PARPBP: variants seen among roughly 807,000 people sequenced by gnomAD.
PARPBP encodes PARP1 binding protein.
A neutral mutation model predicts 50.0 loss-of-function variants in PARPBP; 52 were observed. The observed-to-expected ratio is 1.04, with a 90% CI of 0.83 to 1.31. The LOEUF is 1.31. Ranked by LOEUF, PARPBP falls within the 50% of genes most tolerant of loss-of-function variation. PARPBP has a pLI of 0.00. For synonymous variants in PARPBP, 244 were observed against 232.1 expected, an observed-to-expected ratio of 1.05 and a Z score of -0.47; for missense variants, 697 against 672.0, an observed-to-expected ratio of 1.04 and a Z score of -0.41.
chr12:102,185,908 C>T (rs952437767), intron 9 of PARPBP, among the ~76,000 whole-genome samples: 2 of 152,190 alleles, frequency 1.3e-5, no homozygotes, highest in East Asian at 3.9e-4. Flanking sequence ...CCTGCCTCGG[C>T]CTCCCAAAGT....
rs764402553 is a variant in PARPBP at position 102,178,628 on chromosome 12, T to C, written c.1042T>C (p.Cys348Arg). The C allele has an allele frequency of 1.2e-6, 2 of 1,612,830 alleles. No homozygotes were observed. Among genetic ancestry groups the C allele is most frequent in the Admixed American group, 3.3e-5 (2 of 59,828 alleles). Residue 348 changes from cysteine to arginine, a missense_variant, in exon 8 of 11, where the codon TGT becomes CGT. Cys to Arg is a radical substitution (Grantham distance 180). Transcript: ENST00000327680. ...SHAINHGTAY[C>R]GRDTVKALLV... Reference sequence around the variant, plus strand: ...TGCCATAAACCATGGTACTGCATACTGTGGCAGAGATACTGTGAAAGCCTT... The same window carrying C: ...TGCCATAAACCATGGTACTGCATACCGTGGCAGAGATACTGTGAAAGCCTT...
At position 102,151,730 on chromosome 12, in the gene PARPBP, T is replaced by C. The variant is rs1368258116; in HGVS notation, c.388-2139T>C. The C allele has an allele frequency of 5.2e-6, 8 of 1,535,646 alleles. No individual in the cohort carries two copies. In the South Asian group the frequency reaches 8.3e-5, roughly 16 times the overall value. On this transcript the variant is annotated intron_variant, in intron 3 of 10. Transcript: ENST00000327680. ...TGGAGCTGGTCCCTAAACTTCAGAT[T>C]GCCTGGGATTCCCATCACGGTCCAG...
At chr12:102,194,525 G>T (rs1187103125) in intron 9 of PARPBP, among the ~76,000 whole-genome samples, 1 of 151,864 alleles carries the variant, frequency 6.6e-6, no homozygotes, top group African/African-American at 2.4e-5. Context: ...ACTGGTTTAT[G>T]TTTGTGGAAC....
chr12:102,147,486 T>C (rs980470505), intron 2 of PARPBP, among the ~76,000 whole-genome samples: 1 of 146,702 alleles, frequency 6.8e-6, no homozygotes, highest in African/African-American at 2.5e-5. Flanking sequence ...AAACACCGCA[T>C]GTTCTCAATC....
At chr12:102,138,846 T>G (rs111400158) in intron 2 of PARPBP, among the ~76,000 whole-genome samples, 1 of 152,324 alleles carries the variant, frequency 6.6e-6, no homozygotes, top group African/African-American at 2.4e-5. Context: ...CATTGATCTA[T>G]ATCTCTGTTT....
intron 2 of PARPBP, among the ~76,000 whole-genome samples, chr12:102,130,811 C>T (rs2137379646): frequency 1.3e-5 from 2 of 151,258 alleles, no homozygotes; most frequent in South Asian, 4.2e-4. Flanking sequence ...GCTGAGATCA[C>T]ACCACTGCAC....
intron 9 of PARPBP, among the ~76,000 whole-genome samples, chr12:102,190,077 A>G (rs1890656511): frequency 6.6e-6 from 1 of 152,062 alleles, no homozygotes; most frequent in Non-Finnish European, 1.5e-5. Context: ...AAGTCTACTT[A>G]CTTTTTAAAA....
intron 6 of PARPBP, among the ~76,000 whole-genome samples, chr12:102,169,275 C>G (rs1207201799): frequency 6.6e-6 from 1 of 152,126 alleles, no homozygotes. Flanking sequence ...TATTTTCCAC[C>G]TACCTCTTCT....
At chr12:102,156,798 C>T (rs1241423669) in intron 4 of PARPBP, among the ~76,000 whole-genome samples, 1 of 152,028 alleles carries the variant, frequency 6.6e-6, no homozygotes. Context: ...TGCACCACCA[C>T]GCCTGGCTAA....
intron 9 of PARPBP, among the ~76,000 whole-genome samples, chr12:102,193,132 G>A (rs1452740408): frequency 6.6e-6 from 1 of 151,750 alleles, no homozygotes; most frequent in African/African-American, 2.4e-5. Flanking sequence ...ATTTGTCTGT[G>A]GGGGAGGCTG....
chr12:102,169,494 C>G (rs1888473772), intron 6 of PARPBP, among the ~76,000 whole-genome samples: 1 of 152,176 alleles, frequency 6.6e-6, no homozygotes, highest in South Asian at 2.1e-4. Context: ...AAACAAGAAT[C>G]TGGGGCATAT....
In PARPBP at chr12:102,197,179, GA is replaced by G; in HGVS notation, c.*889del. 1 of 1,606,080 alleles carries G rather than the reference GA, an allele frequency of 6.2e-7. No individual in the cohort carries two copies. The highest frequency in any genetic ancestry group is 8.5e-7 in the Non-Finnish European group (1 of 1,174,184). On this transcript the variant is annotated 3_prime_UTR_variant, in exon 11 of 11. Coordinates refer to ENST00000327680, the MANE Select transcript of PARPBP (RefSeq NM_017915.5). Reference sequence around the variant, plus strand: ...ATGTTTGGAGCCTGTGTTCTGTAAAGAGAAGGTTGATTTGGTTTTTAGCTAT... The same window carrying G: ...ATGTTTGGAGCCTGTGTTCTGTAAAGGAAGGTTGATTTGGTTTTTAGCTAT...
At chr12:102,131,166 A>G (rs760673525) in intron 2 of PARPBP, among the ~76,000 whole-genome samples, 5 of 152,178 alleles carry the variant, frequency 3.3e-5, no homozygotes, top group Admixed American at 1.3e-4. Context: ...CTCTACTAAA[A>G]TTACAAAAAT....
chr12:102,120,584 C>G (rs1379993194), intron 1 of PARPBP: 3 of 444,626 alleles, frequency 6.7e-6, no homozygotes, highest in African/African-American at 2.0e-5. Context: ...GGGTTCTAGT[C>G]CCACTATGTA....
rs539272424 is a variant in PARPBP, at chr12:102,139,810, G to A, written c.154-8420G>A. ...TTATTGATTTGTGTATGTTGAACCA[G>A]GCTTTCATCCCAGGGATGAAGCCCA... is the stretch of plus-strand genomic sequence containing the variant. On this transcript the variant is annotated intron_variant, in intron 2 of 10. Coordinates refer to ENST00000327680, the MANE Select transcript of PARPBP (RefSeq NM_017915.5). Among the ~76,000 whole-genome samples, 41 of 152,254 alleles carry A rather than the reference G, an allele frequency of 2.7e-4. No individual in the cohort carries two copies. In the South Asian group the frequency reaches 8.5e-3, roughly 32 times the overall value.
chr12:102,155,659 C>G (rs999121226), intron 4 of PARPBP, among the ~76,000 whole-genome samples: 2 of 151,268 alleles, frequency 1.3e-5, no homozygotes, highest in Admixed American at 6.6e-5. Flanking sequence ...AACTTCAACA[C>G]CCTTTGGGTC....
At chr12:102,152,531 A>C (rs1045733622) in intron 3 of PARPBP, among the ~76,000 whole-genome samples, 1 of 152,228 alleles carries the variant, frequency 6.6e-6, no homozygotes, top group Non-Finnish European at 1.5e-5. Flanking sequence ...ATGTTTAAAC[A>C]TTTGTAAGTT....
At chr12:102,167,405 T>G (rs1888251295) in intron 6 of PARPBP, among the ~76,000 whole-genome samples, 1 of 152,114 alleles carries the variant, frequency 6.6e-6, no homozygotes, top group East Asian at 1.9e-4. Flanking sequence ...TGCTTTTCTG[T>G]TTTTTACTTT....
intron 9 of PARPBP, among the ~76,000 whole-genome samples, chr12:102,193,859 A>ACTTTTAAAAAAATTTG (rs1292578663): frequency 6.6e-6 from 1 of 152,036 alleles, no homozygotes; most frequent in Non-Finnish European, 1.5e-5. Context: ...TTGTGAGTCC[A>ACTTTTAAAAAAATTTG]TTCTGTTCAA....
Sources: allele counts gnomAD v4.1 joint callset (sites outside exome capture counted in the v4.1 genomes callset), GRCh38; gene constraint gnomAD v4.1.1; transcripts MANE v1.5; gene names NCBI Gene and HGNC (gene_info 2026-07-23, HGNC 2026-07-21).